HEMK2: variants seen among roughly 807,000 people sequenced by gnomAD.
The protein encoded by HEMK2 is methyltransferase HEMK2.
chr21:28,694,243 T>C, the HEMK2 span, among the ~76,000 whole-genome samples: 33 of 152,226 alleles, frequency 2.2e-4, no homozygotes, highest in South Asian at 8.3e-4. Flanking sequence ...CGGTACATAC[T>C]TGCCATAAAT....
the HEMK2 span, among the ~76,000 whole-genome samples, chr21:28,609,704 A>G: frequency 6.6e-6 from 1 of 152,000 alleles, no homozygotes; most frequent in Non-Finnish European, 1.5e-5. Flanking sequence ...TGAAACAGAT[A>G]GCATAAATAA....
the HEMK2 span, among the ~76,000 whole-genome samples, chr21:28,708,998 G>A: frequency 1.3e-5 from 2 of 152,186 alleles, no homozygotes; most frequent in Non-Finnish European, 2.9e-5. Flanking sequence ...TGACAGTATG[G>A]TCTGGTCCTG....
At chr21:28,856,854 G>A in the HEMK2 span, among the ~76,000 whole-genome samples, 3 of 152,198 alleles carry the variant, frequency 2.0e-5, no homozygotes, top group Non-Finnish European at 2.9e-5. Flanking sequence ...TGAGCTGTGC[G>A]GACTCCCAGC....
At chr21:28,739,787 C>T in the HEMK2 span, among the ~76,000 whole-genome samples, 1 of 152,198 alleles carries the variant, frequency 6.6e-6, no homozygotes, top group Non-Finnish European at 1.5e-5. Context: ...AAAAGCAACA[C>T]ATGGCCAGTG....
the HEMK2 span, among the ~76,000 whole-genome samples, chr21:28,665,334 CT>C: frequency 0.019 from 715 of 36,674 alleles, 8 homozygotes; most frequent in African/African-American, 0.045. Context: ...ATTTATATTT[CT>C]TTTTTTTTTT....
chr21:28,815,567 A>C, the HEMK2 span, among the ~76,000 whole-genome samples: 5 of 152,018 alleles, frequency 3.3e-5, no homozygotes, highest in Non-Finnish European at 5.9e-5. Flanking sequence ...CCCAGGGAGG[A>C]ACAGGGTGCC....
chr21:28,788,747 A>G, the HEMK2 span, among the ~76,000 whole-genome samples: 5 of 152,080 alleles, frequency 3.3e-5, no homozygotes, highest in South Asian at 1.0e-3. Context: ...CCTGGGTTGA[A>G]CAGTATTCAT....
chr21:28,613,147 AAT>A, the HEMK2 span, among the ~76,000 whole-genome samples: 159 of 151,178 alleles, frequency 1.1e-3, 2 homozygotes, highest in Non-Finnish European at 2.4e-4. Flanking sequence ...TAGATACCTA[AAT>A]ATATATATAT....
chr21:28,697,792 A>AAAAAAAG, the HEMK2 span, among the ~76,000 whole-genome samples: 1 of 151,836 alleles, frequency 6.6e-6, no homozygotes, highest in Non-Finnish European at 1.5e-5. Flanking sequence ...AAAAAAAAAA[A>AAAAAAAG]AAAAAAATCT....
the HEMK2 span, among the ~76,000 whole-genome samples, chr21:28,758,658 C>G: frequency 6.6e-6 from 1 of 152,164 alleles, no homozygotes; most frequent in Non-Finnish European, 1.5e-5. Context: ...AACCAACGTG[C>G]TCTTAATAAT....
the HEMK2 span, among the ~76,000 whole-genome samples, chr21:28,622,617 A>G: frequency 7.9e-4 from 120 of 152,256 alleles, 1 homozygote; most frequent in Admixed American, 2.7e-3. Context: ...GCATGGTACT[A>G]GTACCAAAAC....
At chr21:28,641,973 C>A in the HEMK2 span, among the ~76,000 whole-genome samples, 1 of 152,198 alleles carries the variant, frequency 6.6e-6, no homozygotes, top group East Asian at 1.9e-4. Context: ...GGCCTCTGGT[C>A]TATCTGCCAC....
the HEMK2 span, among the ~76,000 whole-genome samples, chr21:28,838,705 C>T: frequency 7.9e-5 from 12 of 151,238 alleles, no homozygotes; most frequent in South Asian, 6.3e-4. Context: ...TTTGGGAGGC[C>T]GAGGCAGGCA....
chr21:28,831,911 AATTCAGATTTTGTAAGGTATATAGT>A, the HEMK2 span, among the ~76,000 whole-genome samples: 2 of 152,086 alleles, frequency 1.3e-5, no homozygotes, highest in Admixed American at 1.3e-4. Flanking sequence ...AACACTGTTT[AATTCAGATTTTGTAAGGTATATAGT>A]ATAACTGTTT....
At chr21:28,860,138 T>C in the HEMK2 span, among the ~76,000 whole-genome samples, 1 of 152,164 alleles carries the variant, frequency 6.6e-6, no homozygotes, top group Non-Finnish European at 1.5e-5. Context: ...CTGAGAGTGT[T>C]GCTAAAGGAG....
chr21:28,800,067 T>C, the HEMK2 span, among the ~76,000 whole-genome samples: 1 of 152,348 alleles, frequency 6.6e-6, no homozygotes, highest in South Asian at 2.1e-4. Context: ...CTGCAGTTTA[T>C]GTGCAATCGT....
chr21:28,783,579 G>A, the HEMK2 span, among the ~76,000 whole-genome samples: 4 of 152,308 alleles, frequency 2.6e-5, no homozygotes, highest in South Asian at 4.1e-4. Context: ...TTGTGGCATC[G>A]TATTGAGAGG....
chr21:28,846,444 A>T, the HEMK2 span, among the ~76,000 whole-genome samples: 1 of 152,078 alleles, frequency 6.6e-6, no homozygotes, highest in Non-Finnish European at 1.5e-5. Context: ...TTTCTCTGTA[A>T]CCTTGCCAGC....
chr21:28,623,595 C>A, the HEMK2 span, among the ~76,000 whole-genome samples: 1 of 152,182 alleles, frequency 6.6e-6, no homozygotes, highest in Non-Finnish European at 1.5e-5. Flanking sequence ...AAATGCCCAT[C>A]AGTGATGGAC....
Sources: allele counts gnomAD v4.1 joint callset (sites outside exome capture counted in the v4.1 genomes callset), GRCh38; gene constraint gnomAD v4.1.1; transcripts MANE v1.5; gene names NCBI Gene and HGNC (gene_info 2026-07-23, HGNC 2026-07-21).